FGD5: variants seen among roughly 807,000 people sequenced by gnomAD.
FGD5 encodes the protein FYVE, RhoGEF and PH domain containing 5, also known as FYVE, RhoGEF and PH domain-containing protein 5.
A neutral mutation model predicts 133.4 loss-of-function variants in FGD5; 28 were observed. The observed-to-expected ratio is 0.21, with a 90% CI of 0.16 to 0.29. The LOEUF is 0.29. Ranked by LOEUF, FGD5 falls within the 10% of genes least tolerant of loss-of-function variation. The probability of loss-of-function intolerance (pLI) is 1.00; values close to 1 mark genes in which losing one functional copy is unlikely to be tolerated. For synonymous variants in FGD5, 810 were observed against 776.5 expected, an observed-to-expected ratio of 1.04 and a Z score of -0.72; for missense variants, 1,858 against 1,895.2, an observed-to-expected ratio of 0.98 and a Z score of 0.36.
At chr3:14,896,276 G>GA (rs1243576974) in intron 4 of FGD5, among the ~76,000 whole-genome samples, 1 of 151,884 alleles carries the variant, frequency 6.6e-6, no homozygotes, top group Non-Finnish European at 1.5e-5. Flanking sequence ...CACAAAAATA[G>GA]AAAAAAAGTC....
Position 14,880,754 on chromosome 3 carries a change from G to C in FGD5, c.2730G>C (p.Met910Ile). The change falls in exon 4 of 20, where the codon ATG becomes ATC. Residue 910 changes from methionine to isoleucine, a missense_variant. Coordinates refer to ENST00000285046, the MANE Select transcript of FGD5 (RefSeq NM_152536.4). ...LLSSEKAYVEMLQHLNLDFHG... is the reference protein window; with the variant it reads ...LLSSEKAYVEILQHLNLDFHG... ...TTTCCCTCTGCAGATACGTGGAGAT[G>C]CTCCAGCACTTAAATCTGGTGAGTT... 1 of 1,614,010 alleles carries C rather than the reference G, an allele frequency of 6.2e-7. No homozygotes were observed. Among genetic ancestry groups the C allele is most frequent in the Non-Finnish European group, 8.5e-7 (1 of 1,179,892 alleles).
chr3:14,865,747 A>G (rs2037482180), intron 2 of FGD5, among the ~76,000 whole-genome samples: 1 of 152,210 alleles, frequency 6.6e-6, no homozygotes, highest in African/African-American at 2.4e-5. Flanking sequence ...CCACACAGCT[A>G]GTGAATGAAG....
rs1419576015 is a variant in FGD5, at chr3:14,819,455, A to G, written c.384A>G (p.Ala128=). 5 of 1,550,728 alleles carry G rather than the reference A, an allele frequency of 3.2e-6. No individual in the cohort carries two copies. Among genetic ancestry groups the G allele is most frequent in the Non-Finnish European group, 3.5e-6 (4 of 1,146,720 alleles). The stretch of plus-strand genomic sequence containing the variant: ...CAGTGGCCCCTGCTGCTCCGGGTGC[A>G]GGAGCGCTGAGCAGGGAGGGTGAGG... ...EDSVAPAAPG[A]GALSREGEEG... is the part of the protein sequence containing the mutation. Residue 128 remains alanine, a synonymous_variant, in exon 1 of 20, where the codon GCA becomes GCG. Transcript: ENST00000285046. The surrounding 1 kb of genome is among the most constrained non-coding windows in gnomAD (Gnocchi z 4.1).
At chr3:14,865,028 C>G (rs1186196242) in intron 2 of FGD5, among the ~76,000 whole-genome samples, 1 of 152,158 alleles carries the variant, frequency 6.6e-6, no homozygotes, top group Non-Finnish European at 1.5e-5. Context: ...CAGGAAGCAT[C>G]ACGGGGTGAT....
chr3:14,905,340 A>G (rs1052495272), intron 9 of FGD5, among the ~76,000 whole-genome samples: 3 of 151,892 alleles, frequency 2.0e-5, no homozygotes, highest in South Asian at 2.1e-4. Flanking sequence ...TTTGGCTGTG[A>G]TGCGTCTGTG....
chr3:14,834,386 G>A (rs1309558768), intron 1 of FGD5, among the ~76,000 whole-genome samples: 3 of 152,204 alleles, frequency 2.0e-5, no homozygotes, highest in Non-Finnish European at 4.4e-5. Context: ...CTACCTCAAG[G>A]AGTTATTGTG....
chr3:14,823,835 C>T (rs2036552101), intron 1 of FGD5, among the ~76,000 whole-genome samples: 1 of 152,172 alleles, frequency 6.6e-6, no homozygotes, highest in Non-Finnish European at 1.5e-5. Context: ...GACCTGTTGC[C>T]TTGATCTGTA....
rs956748062 is a variant in FGD5, at chr3:14,897,944, G to A, written c.2915G>A (p.Ser972Asn). Residue 972 changes from serine to asparagine, a missense_variant, in exon 6 of 20, where the codon AGC becomes AAC. Physicochemically the swap from Ser to Asn is conservative, Grantham distance 46. Coordinates refer to ENST00000285046, the MANE Select transcript of FGD5 (RefSeq NM_152536.4). The part of the protein sequence containing the change: ...ELEERLSNWE[S>N]QQKVADVFLA... ...ATCCCCATTCCTGGCTGCAGGGAGAGCCAGCAGAAGGTAGCTGACGTCTTC... is the reference window on the plus strand; with the variant it reads ...ATCCCCATTCCTGGCTGCAGGGAGAACCAGCAGAAGGTAGCTGACGTCTTC... The A allele has an allele frequency of 1.2e-6, 2 of 1,613,962 alleles. No individual in the cohort carries two copies. Among genetic ancestry groups the A allele is most frequent in the East Asian group, 2.2e-5 (1 of 44,878 alleles).
chr3:14,810,833 C>T (rs1575181000), upstream of FGD5: 1 of 984,932 alleles, frequency 1.0e-6, no homozygotes, highest in Non-Finnish European at 1.2e-6. Flanking sequence ...CGACGGCGGC[C>T]CGGGCCCCGC....
At chr3:14,848,407 A>G (rs915408179) in intron 1 of FGD5, among the ~76,000 whole-genome samples, 7 of 151,346 alleles carry the variant, frequency 4.6e-5, no homozygotes, top group African/African-American at 1.7e-4. Flanking sequence ...CACTGCCCCC[A>G]TCTGTTAAGT....
chr3:14,913,463 G>A (rs1575253853), intron 11 of FGD5, among the ~76,000 whole-genome samples: 1 of 152,150 alleles, frequency 6.6e-6, no homozygotes. Flanking sequence ...TGGCAATGGG[G>A]AGGCAGACAG....
intron 9 of FGD5, among the ~76,000 whole-genome samples, chr3:14,906,827 G>A (rs2038351613): frequency 6.6e-6 from 1 of 152,146 alleles, no homozygotes; most frequent in Non-Finnish European, 1.5e-5. Context: ...CAGTTCACTC[G>A]GTTGCCTTGT....
At chr3:14,835,564 G>C (rs559068182) in intron 1 of FGD5, among the ~76,000 whole-genome samples, 7 of 152,138 alleles carry the variant, frequency 4.6e-5, no homozygotes, top group African/African-American at 1.7e-4. Context: ...TCAGGAGGTC[G>C]TGAAACCTTA....
intron 10 of FGD5, among the ~76,000 whole-genome samples, chr3:14,908,682 C>T (rs1308735453): frequency 6.6e-6 from 1 of 151,776 alleles, no homozygotes; most frequent in South Asian, 2.1e-4. Flanking sequence ...GTCAGGAGTT[C>T]GAGATCAGTC....
intron 1 of FGD5, among the ~76,000 whole-genome samples, chr3:14,832,741 CA>C (rs1477694340): frequency 1.3e-5 from 2 of 152,018 alleles, no homozygotes; most frequent in Non-Finnish European, 2.9e-5. Flanking sequence ...CTCCAGCTGT[CA>C]AATAAGGGTA....
upstream of FGD5, among the ~76,000 whole-genome samples, chr3:14,817,359 C>CTG: frequency 1.3e-5 from 2 of 152,110 alleles, 1 homozygote; most frequent in South Asian, 4.1e-4. Flanking sequence ...CCACACCCGG[C>CTG]TAATTTTTGT....
chr3:14,863,022 C>A (rs1478687639), intron 1 of FGD5, among the ~76,000 whole-genome samples: 1 of 152,166 alleles, frequency 6.6e-6, no homozygotes, highest in East Asian at 1.9e-4. Context: ...TTTCTCCTCC[C>A]CTGATGTCCC....
chr3:14,924,611 T>A (rs2038757930), intron 17 of FGD5, among the ~76,000 whole-genome samples: 1 of 152,180 alleles, frequency 6.6e-6, no homozygotes, highest in African/African-American at 2.4e-5. Flanking sequence ...ATGTCTGTAT[T>A]TCCATTCACA....
chr3:14,883,148 T>G (rs1477649747), intron 4 of FGD5, among the ~76,000 whole-genome samples: 2 of 152,196 alleles, frequency 1.3e-5, no homozygotes, highest in African/African-American at 2.4e-5. Context: ...TGAATTCTAG[T>G]CATCCTGATG....
Sources: allele counts gnomAD v4.1 joint callset (sites outside exome capture counted in the v4.1 genomes callset), GRCh38; gene constraint gnomAD v4.1.1; non-coding constraint Gnocchi (gnomAD v3.1); transcripts MANE v1.5; gene names NCBI Gene and HGNC (gene_info 2026-07-23, HGNC 2026-07-21).